IL17RD: variants seen among roughly 807,000 people sequenced by gnomAD.
IL17RD encodes interleukin-17 receptor D.
IL17RD carries 52 observed loss-of-function variants against 80.5 expected under a neutral mutation model. The ratio of observed to expected loss-of-function variants is 0.65; its 90% confidence interval spans 0.52 to 0.81. The LOEUF is 0.81. IL17RD is among the 40% of genes least tolerant of loss of function. IL17RD has a pLI of 0.00. For missense variants in IL17RD, 1,024 were observed against 955.1 expected (o/e 1.07, Z -0.95); for synonymous variants, 416 against 391.8 (o/e 1.06, Z -0.73).
At chr3:57,154,410 C>T (rs1192911955) in intron 1 of IL17RD, among the ~76,000 whole-genome samples, 2 of 147,684 alleles carry the variant, frequency 1.4e-5, no homozygotes, top group Non-Finnish European at 3.0e-5. Context: ...TTTAAAAGTT[C>T]GCTGGCCTGC....
upstream of IL17RD, among the ~76,000 whole-genome samples, chr3:57,166,752 T>G (rs531251959): frequency 4.6e-5 from 7 of 152,274 alleles, no homozygotes; most frequent in East Asian, 1.4e-3. Flanking sequence ...AGCCTTATCT[T>G]GGTCTTTTTG....
At chr3:57,114,903 T>C in intron 2 of IL17RD, 86 bp from the exon 3 acceptor site, 1 of 1,163,436 alleles carries the variant, frequency 8.6e-7, no homozygotes, top group Non-Finnish European at 1.2e-6. Flanking sequence ...ACAGGGCATG[T>C]CTGAAGGTGG....
chr3:57,164,049 C>G (rs1016379296), intron 1 of IL17RD, among the ~76,000 whole-genome samples: 3 of 152,300 alleles, frequency 2.0e-5, no homozygotes, highest in Admixed American at 6.5e-5. Flanking sequence ...TTCGCCTAAG[C>G]AAACCACTCC....
chr3:57,106,183 T>C, intron 5 of IL17RD, 29 bp from the exon 6 acceptor site: 1 of 1,568,594 alleles, frequency 6.4e-7, no homozygotes, highest in Non-Finnish European at 8.7e-7. Flanking sequence ...TACATGTTTT[T>C]AGTTTTAGGA....
chr3:57,112,005 G>C (rs1313680670), intron 3 of IL17RD, among the ~76,000 whole-genome samples: 1 of 151,822 alleles, frequency 6.6e-6, no homozygotes, highest in Non-Finnish European at 1.5e-5. Context: ...CATCAGTTGG[G>C]GTGGCAAGCG....
rs1023133117 is a variant in IL17RD, at chr3:57,095,709, T to C, written c.*684A>G. ...TGAGGTCCTGGGGCCTTCTGCACGA[T>C]GACCAACCTATCTCAAGTGGAACGG... On this transcript the variant is annotated 3_prime_UTR_variant, in exon 13 of 13. Transcript: ENST00000296318. 1 of 152,398 alleles carries C rather than the reference T, an allele frequency of 6.6e-6. No homozygotes were observed. The allele number at this position is 152,398 out of a possible 1,614,324, so 9.4% of individuals were successfully genotyped here.
At chr3:57,114,567 C>T in intron 3 of IL17RD, 125 bp downstream of exon 3, 1 of 813,546 alleles carries the variant, frequency 1.2e-6, no homozygotes, top group Non-Finnish European at 1.8e-6. Flanking sequence ...GTATCTGTGC[C>T]CAATCCAACA....
intron 1 of IL17RD, among the ~76,000 whole-genome samples, chr3:57,162,918 T>C (rs1292479737): frequency 3.3e-5 from 5 of 152,160 alleles, no homozygotes; most frequent in Admixed American, 1.3e-4. Flanking sequence ...CAGGAGGGCT[T>C]CCCTGAGGAG....
chr3:57,130,785 CTGAATGCCT>C (rs1255989223), intron 1 of IL17RD, among the ~76,000 whole-genome samples: 4 of 152,232 alleles, frequency 2.6e-5, no homozygotes, highest in Non-Finnish European at 5.9e-5. Context: ...GTCAGGGTTT[CTGAATGCCT>C]TTGAGTGTGT....
intron 1 of IL17RD, among the ~76,000 whole-genome samples, chr3:57,123,115 G>C (rs1036950580): frequency 6.6e-6 from 1 of 152,142 alleles, no homozygotes; most frequent in African/African-American, 2.4e-5. Flanking sequence ...GATGTGTGTG[G>C]AACTGTTCAG....
At chr3:57,122,944 C>A (rs989402218) in intron 1 of IL17RD, among the ~76,000 whole-genome samples, 5 of 151,664 alleles carry the variant, frequency 3.3e-5, no homozygotes, top group African/African-American at 1.2e-4. Context: ...GTTCCAGTTC[C>A]CTTATATTTG....
At chr3:57,098,601 T>TA (rs1706757388) in intron 11 of IL17RD, 63 bp from the exon 12 acceptor site, 1 of 1,105,492 alleles carries the variant, frequency 9.0e-7, no homozygotes, top group Non-Finnish European at 1.3e-6. Context: ...GGGAAGTGAG[T>TA]AACAGGAAGG....
intron 1 of IL17RD, among the ~76,000 whole-genome samples, chr3:57,154,283 T>TATATATACACACACAC (rs904157398): frequency 1.5e-4 from 17 of 112,904 alleles, no homozygotes; most frequent in African/African-American, 4.8e-4. Context: ...TATATATATA[T>TATATATACACACACAC]ACACACACAC....
At chr3:57,157,717 G>C (rs942518722) in intron 1 of IL17RD, among the ~76,000 whole-genome samples, 5 of 152,218 alleles carry the variant, frequency 3.3e-5, no homozygotes, top group Admixed American at 6.5e-5. Context: ...TTTTGGGAGA[G>C]AAGAAACCAG....
intron 1 of IL17RD, among the ~76,000 whole-genome samples, chr3:57,127,676 GGATTACAGGCGT>G (rs1420634578): frequency 6.6e-6 from 1 of 151,944 alleles, no homozygotes; most frequent in African/African-American, 2.4e-5. Flanking sequence ...CAAAGTGCTG[GGATTACAGGCGT>G]GAGCCACCAA....
intron 1 of IL17RD, among the ~76,000 whole-genome samples, chr3:57,120,723 T>C (rs1046324446): frequency 6.6e-6 from 1 of 152,202 alleles, no homozygotes; most frequent in African/African-American, 2.4e-5. Context: ...CAAGCTCTAT[T>C]AAGCCACGAC....
chr3:57,147,534 A>G (rs1326778949), intron 1 of IL17RD, among the ~76,000 whole-genome samples: 4 of 152,246 alleles, frequency 2.6e-5, no homozygotes, highest in African/African-American at 9.6e-5. Flanking sequence ...TTTGGGGAAT[A>G]AATGCCAAGG....
intron 8 of IL17RD, among the ~76,000 whole-genome samples, chr3:57,103,711 A>AC (rs1706888002): frequency 6.6e-6 from 1 of 152,062 alleles, no homozygotes; most frequent in Non-Finnish European, 1.5e-5. Context: ...ATGAAACATT[A>AC]CTTTTTTTTT....
chr3:57,101,425 A>G (rs1706826954), intron 10 of IL17RD, 62 bp from the exon 11 acceptor site: 1 of 1,134,924 alleles, frequency 8.8e-7, no homozygotes, highest in African/African-American at 1.6e-5. Context: ...ATTTCCTAAG[A>G]ATTGAAACCC....
Sources: gnomAD v4.1 joint callset for allele counts (sites outside exome capture counted in the v4.1 genomes callset) on GRCh38, gnomAD v4.1.1 for gene constraint, MANE v1.5 for transcripts, NCBI Gene and HGNC (gene_info 2026-07-23, HGNC 2026-07-21) for gene names.